Variants in AKR7A2 observed in about 807,000 individuals in gnomAD.
AKR7A2 encodes the protein aflatoxin B1 aldehyde reductase member 2.
Under a neutral mutation model 37.3 loss-of-function variants are expected in AKR7A2, and 29 were observed. The ratio of observed to expected loss-of-function variants is 0.78; its 90% CI spans 0.58 to 1.06. AKR7A2 has a LOEUF of 1.06. Among genes scored for constraint, AKR7A2 ranks in the 50% least tolerant of loss-of-function variants. AKR7A2 has a pLI of 0.00. For missense variants in AKR7A2, 529 were observed against 497.9 expected (o/e 1.06, Z -0.59); for synonymous variants, 228 against 217.8 (o/e 1.05, Z -0.41).
rs1174701836 is a variant in AKR7A2, at chr1:19,308,216, A to G, written c.533T>C (p.Val178Ala). The G allele has an allele frequency of 1.2e-6, 2 of 1,613,426 alleles. No individual in the cohort carries two copies. Among genetic ancestry groups the G allele is most frequent in the Non-Finnish European group, 1.7e-6 (2 of 1,179,832 alleles). The change falls in exon 3 of 7, where the codon GTG (valine) becomes GCG (alanine). Residue 178 changes from valine to alanine, a missense_variant. By Grantham distance (64) the Val-to-Ala change is moderately conservative. Coordinates refer to ENST00000235835, the MANE Select transcript of AKR7A2 (RefSeq NM_003689.4). ...CTTGCAGAGGGTACAGATCTCGGCC[A>G]CTTCCCAGCTAGCATAGTTGGAGAG... ...LGLSNYASWE[V>A]AEICTLCKSN...
At chr1:19,306,315 C>T (rs2093761629) in intron 5 of AKR7A2, among the ~76,000 whole-genome samples, 168 bp from the exon 6 acceptor site, 1 of 152,178 alleles carries the variant, frequency 6.6e-6, no homozygotes, top group South Asian at 2.1e-4. Context: ...TCAGAACCAC[C>T]CAGGATGCTG....
At chr1:19,305,308 G>A (rs962828263) in intron 6 of AKR7A2, 14 of 154,182 alleles carry the variant, frequency 9.1e-5, no homozygotes, top group African/African-American at 3.1e-4. Context: ...GCTGAAGCTG[G>A]AGATAAGTTT....
At position 19,311,380 on chromosome 1, in the gene AKR7A2, G is replaced by C. The variant is rs77055518; in HGVS notation, c.298+447C>G. 1.6e-3 allele frequency among the ~76,000 whole-genome samples: 237 copies of C among 152,358 alleles called. 9 individuals carry two copies. In the East Asian group the frequency reaches 0.041, roughly 26 times the overall value. On this transcript the variant is annotated intron_variant, in intron 1 of 6. Coordinates refer to ENST00000235835, the MANE Select transcript of AKR7A2 (RefSeq NM_003689.4). ...GGCATCGCCACAGTTCTCCCTGAGAGAGGCAGAGGTACTGCCAGCTGCACA... is the reference window on the plus strand; with the variant it reads ...GGCATCGCCACAGTTCTCCCTGAGACAGGCAGAGGTACTGCCAGCTGCACA...
intron 1 of AKR7A2, among the ~76,000 whole-genome samples, chr1:19,311,354 C>T (rs556854037): frequency 4.6e-5 from 7 of 152,244 alleles, no homozygotes; most frequent in African/African-American, 1.7e-4. Flanking sequence ...GCCAGCCTTA[C>T]GGCATCGCCA....
Position 19,307,669 on chromosome 1 carries a change from C to T in AKR7A2, c.592-259G>A, listed in dbSNP as rs147903448. 352 of 572,582 alleles carry T rather than the reference C, an allele frequency of 6.1e-4. No individual in the cohort carries two copies. In the East Asian group the frequency reaches 0.01, roughly 16 times the overall value. 35.5% of individuals were successfully genotyped at this position (572,582 alleles called of 1,614,324 possible). ...AACCACAAGTAGGTATCACAAAATC[C>T]CTGCTTCCAGGAGATGTTTACTCAA... is the stretch of plus-strand genomic sequence containing the variant. On this transcript the variant is annotated intron_variant, in intron 3 of 6. Coordinates refer to ENST00000235835, the MANE Select transcript of AKR7A2 (RefSeq NM_003689.4).
At chr1:19,309,673 G>A (rs2093768705) in intron 1 of AKR7A2, among the ~76,000 whole-genome samples, 1 of 151,898 alleles carries the variant, frequency 6.6e-6, no homozygotes, top group African/African-American at 2.4e-5. Context: ...ACCTAGTTTG[G>A]GAGTACTTTG....
chr1:19,312,128 AGC>A lies in AKR7A2; in HGVS notation c.-6_-5del, dbSNP rs772400122. On this transcript the variant is annotated 5_prime_UTR_variant, in exon 1 of 7. Transcript: ENST00000235835. ...CGCGAGACGCGGCACTCAGCATAGC[AGC>A]GGCGCCTGCGCGTTGGGAGCCGGGG... The A allele has an allele frequency of 1.6e-6, 2 of 1,272,892 alleles. No individual in the cohort carries two copies. The highest frequency in any genetic ancestry group is 2.7e-5 in the South Asian group (1 of 37,220). The allele number at this position is 1,272,892 out of a possible 1,614,324, so 78.8% of individuals were successfully genotyped here.
rs531821558 is a variant in AKR7A2, at chr1:19,307,736, G to C, written c.592-326C>G. ...AAGGAAGGCAGTTAATTACAATAAA[G>C]TTAGGTTCTACAATCAAACAAGGAG... On this transcript the variant is annotated intron_variant, in intron 3 of 6. Transcript: ENST00000235835. 1.8e-5 allele frequency: 9 copies of C among 505,312 alleles called. No homozygotes were observed. In the South Asian group the frequency reaches 1.9e-4, roughly 11 times the overall value. The allele number at this position is 505,312 out of a possible 1,614,324, so 31.3% of individuals were successfully genotyped here. A position where few individuals can be genotyped will look rare whatever the true frequency, so the allele number is the denominator to read the frequency against.
rs543958344 is a variant in AKR7A2 at position 19,306,299 on chromosome 1, T to G, written c.789-152A>C. ...TCTAGTCATAGGTCTCCCACTTTGC[T>G]GGGCATCAGAACCACCCAGGATGCT... is the stretch of plus-strand genomic sequence containing the variant. On this transcript the variant is annotated intron_variant, in intron 5 of 6. Transcript: ENST00000235835. 6.8e-4 allele frequency: 754 copies of G among 1,114,584 alleles called. 10 individuals are homozygous for G. The Middle Eastern group carries it at 0.021, about 31-fold the overall frequency. 69.0% of individuals were successfully genotyped at this position (1,114,584 alleles called of 1,614,324 possible).
At position 19,308,482 on chromosome 1, in the gene AKR7A2, C is replaced by T. The variant is rs1211835086; in HGVS notation, c.459G>A (p.Leu153=). The change falls in exon 2 of 7, where the codon CTG becomes CTA. Residue 153 remains leucine (L), a synonymous_variant. Coordinates refer to ENST00000235835, the MANE Select transcript of AKR7A2 (RefSeq NM_003689.4). ...PDHGTPVEET[L]HACQRLHQEG... ...CCTGGTGCAGCCGCTGGCAGGCATG[C>T]AGCGTCTCTTCCACCGGGGTGCCGT... is the stretch of plus-strand genomic sequence containing the variant. The T allele has an allele frequency of 4.3e-6, 7 of 1,613,968 alleles. No individual in the cohort carries two copies. The highest frequency in any genetic ancestry group is 1.7e-5 in the Admixed American group (1 of 60,016).
chr1:19,307,867 G>T lies in AKR7A2; in HGVS notation c.591+291C>A. The T allele has an allele frequency of 3.7e-6, 2 of 547,724 alleles. 1 individual carries two copies. Among genetic ancestry groups the T allele is most frequent in the South Asian group, 4.0e-5 (2 of 49,800 alleles). The allele number at this position is 547,724 out of a possible 1,614,324, so 33.9% of individuals were successfully genotyped here. On this transcript the variant is annotated intron_variant, in intron 3 of 6. Coordinates refer to ENST00000235835, the MANE Select transcript of AKR7A2 (RefSeq NM_003689.4). ...AGGAGGAGACCTCTATGTAAGGCCT[G>T]AGTGCTTCTCCCAGGGAGGAGGGCA...
At chr1:19,304,714 A>G (rs780414273) in intron 6 of AKR7A2, among the ~76,000 whole-genome samples, 12 of 152,270 alleles carry the variant, frequency 7.9e-5, no homozygotes, top group Non-Finnish European at 1.3e-4. Context: ...GGTGGGAAGA[A>G]CACTTGAGCC....
chr1:19,307,327 G>C lies in AKR7A2; in HGVS notation c.675C>G (p.Tyr225Ter). ...LRHFGLRFYA[Y>*]NPLAGGLLTG... ...TGCTCCACGTACCAGCCAGAGGGTTGTAGGCATAGAACCTCAGTCCAAAGT... is the reference window on the plus strand; with the variant it reads ...TGCTCCACGTACCAGCCAGAGGGTTCTAGGCATAGAACCTCAGTCCAAAGT... Residue 225 changes from tyrosine to a stop codon, truncating the protein, a stop_gained, in exon 4 of 7, where the codon TAC becomes TAG. Coordinates refer to ENST00000235835, the MANE Select transcript of AKR7A2 (RefSeq NM_003689.4). LOFTEE classifies it high-confidence loss of function. 1.9e-6 allele frequency: 3 copies of C among 1,613,464 alleles called. No individual in the cohort carries two copies. The highest frequency in any genetic ancestry group is 2.5e-6 in the Non-Finnish European group (3 of 1,179,982).
chr1:19,302,981 C>A (rs2093755114), downstream of AKR7A2, among the ~76,000 whole-genome samples: 1 of 152,168 alleles, frequency 6.6e-6, no homozygotes, highest in South Asian at 2.1e-4. Flanking sequence ...CCATGAGCCA[C>A]TGTGCCAGCC....
In AKR7A2 at chr1:19,309,812, C is replaced by T. The variant is rs531304754; in HGVS notation, c.299-1170G>A. ...CAGCTGGGCCAGGAAAGGTAGCTCA[C>T]GCCTGTAATCCCAGCACTTTCGGAG... On this transcript the variant is annotated intron_variant, in intron 1 of 6. Coordinates refer to ENST00000235835, the MANE Select transcript of AKR7A2 (RefSeq NM_003689.4). Among the ~76,000 whole-genome samples the T allele has an allele frequency of 2.1e-4, 32 of 152,000 alleles. 1 individual carries two copies. The South Asian group carries it at 4.2e-3, about 20-fold the overall frequency.
chr1:19,303,136 A>AAAAAAT (rs2093755318), downstream of AKR7A2, among the ~76,000 whole-genome samples: 1 of 152,162 alleles, frequency 6.6e-6, no homozygotes. Context: ...CACTCCACAA[A>AAAAAAT]AAAAATAAAA....
intron 5 of AKR7A2, 92 bp from the exon 6 acceptor site, chr1:19,306,239 C>A: frequency 1.3e-6 from 2 of 1,572,410 alleles, no homozygotes; most frequent in South Asian, 2.2e-5. Context: ...ACTGCCCCAC[C>A]CCACACCCTG....
intron 1 of AKR7A2, among the ~76,000 whole-genome samples, chr1:19,310,564 C>A (rs2002847): frequency 6.6e-6 from 1 of 151,718 alleles, no homozygotes; most frequent in African/African-American, 2.4e-5. Flanking sequence ...TGGGCGTGGC[C>A]GTGTGCACCT....
At chr1:19,305,171 C>A (rs1174340224) in intron 6 of AKR7A2, 1 of 153,780 alleles carries the variant, frequency 6.5e-6, no homozygotes, top group East Asian at 1.9e-4. Flanking sequence ...TATGTGCTGT[C>A]GATGCAGGCA....
Sources: allele counts gnomAD v4.1 joint callset (sites outside exome capture counted in the v4.1 genomes callset), GRCh38; gene constraint gnomAD v4.1.1; transcripts MANE v1.5; gene names NCBI Gene and HGNC (gene_info 2026-07-23, HGNC 2026-07-21).